The following BICDL1 variants were observed in gnomAD, a reference collection of about 807,000 sequenced individuals.
The protein encoded by BICDL1 is BICD family like cargo adaptor 1, also known as BICD family-like cargo adapter 1.
A neutral mutation model predicts 76.8 loss-of-function variants in BICDL1; 20 were observed. The observed-to-expected ratio is 0.26, with a 90% CI of 0.18 to 0.38. BICDL1 has a LOEUF of 0.38. Among genes scored for constraint, BICDL1 ranks in the 10% least tolerant of loss-of-function variants. The pLI is 1.00. For synonymous variants in BICDL1, 383 were observed against 337.1 expected, an observed-to-expected ratio of 1.14 and a Z score of -1.49; for missense variants, 700 against 798.6, an observed-to-expected ratio of 0.88 and a Z score of 1.49.
At chr12:120,027,243 G>C (rs1952325942) in intron 2 of BICDL1, among the ~76,000 whole-genome samples, 1 of 151,764 alleles carries the variant, frequency 6.6e-6, no homozygotes, top group Non-Finnish European at 1.5e-5. Context: ...TGTTGGCAAG[G>C]CTGGTCTCGA....
At chr12:119,997,232 C>T (rs1443104216) in intron 1 of BICDL1, among the ~76,000 whole-genome samples, 2 of 152,180 alleles carry the variant, frequency 1.3e-5, no homozygotes, top group African/African-American at 2.4e-5. Flanking sequence ...AGGCGTGTGC[C>T]ACCGCGCCTG....
At chr12:120,075,995 C>T (rs1022517270) in intron 7 of BICDL1, among the ~76,000 whole-genome samples, 4 of 152,198 alleles carry the variant, frequency 2.6e-5, no homozygotes, top group African/African-American at 7.2e-5. Flanking sequence ...CCCATCTCTA[C>T]TAAAAATAGA....
chr12:120,084,368 G>A (rs917962585), intron 8 of BICDL1, among the ~76,000 whole-genome samples: 2 of 152,140 alleles, frequency 1.3e-5, no homozygotes, highest in African/African-American at 4.8e-5. Context: ...CAATTTTACA[G>A]ATGAGGAAAC....
intron 2 of BICDL1, among the ~76,000 whole-genome samples, chr12:120,036,580 A>C (rs1015402233): frequency 6.6e-6 from 1 of 152,156 alleles, no homozygotes. Flanking sequence ...GCTTAGAACT[A>C]TTGGTGAATC....
intron 2 of BICDL1, chr12:120,000,323 G>A (rs1594096233): frequency 6.6e-6 from 1 of 152,504 alleles, no homozygotes; most frequent in Non-Finnish European, 1.5e-5. Context: ...AGTAGGAATT[G>A]GACAGTTCAG....
At chr12:120,025,893 A>G (rs895510681) in intron 2 of BICDL1, among the ~76,000 whole-genome samples, 2 of 151,780 alleles carry the variant, frequency 1.3e-5, no homozygotes, top group Non-Finnish European at 2.9e-5. Context: ...GCTGGAGTGC[A>G]GTGGCTCAGC....
intron 2 of BICDL1, among the ~76,000 whole-genome samples, chr12:120,003,419 C>A (rs540027768): frequency 3.1e-4 from 47 of 152,114 alleles, no homozygotes; most frequent in Non-Finnish European, 2.1e-4. Flanking sequence ...ATCTAAAATA[C>A]CCAATAAGGA....
intron 2 of BICDL1, among the ~76,000 whole-genome samples, chr12:120,017,186 G>A (rs535813071): frequency 1.3e-5 from 2 of 152,218 alleles, no homozygotes; most frequent in African/African-American, 2.4e-5. Flanking sequence ...GTGAGCCATC[G>A]TGCCCAGCCT....
At chr12:120,082,388 G>A (rs922984499) in intron 8 of BICDL1, among the ~76,000 whole-genome samples, 20 of 151,836 alleles carry the variant, frequency 1.3e-4, no homozygotes, top group African/African-American at 4.6e-4. Context: ...GAGTAGCTGG[G>A]ACCTCAGGTA....
intron 2 of BICDL1, among the ~76,000 whole-genome samples, chr12:120,025,027 T>A (rs1316413480): frequency 6.6e-6 from 1 of 150,740 alleles, no homozygotes; most frequent in Non-Finnish European, 1.5e-5. Context: ...CTTTAAAGTG[T>A]GTGTGATATT....
At chr12:120,072,902 G>C (rs750970234) in intron 6 of BICDL1, among the ~76,000 whole-genome samples, 173 bp downstream of exon 6, 4 of 152,122 alleles carry the variant, frequency 2.6e-5, no homozygotes. Flanking sequence ...ACAGAGTCTC[G>C]CTCTGTTACC....
At position 119,998,532 on chromosome 12, in the gene BICDL1, A is replaced by G. The variant is rs1951697418; in HGVS notation, c.441A>G (p.Gln147=). Residue 147 remains glutamine (Q), a synonymous_variant, in exon 2 of 10, where the codon CAA becomes CAG. Transcript: ENST00000548673. ...ELTDKLEHLE[Q]EKHELRRRFE... ...CACTTTTCACCCAGCACTTAGAGCA[A>G]GAGAAACATGAATTGAGAAGACGAT... The G allele has an allele frequency of 6.2e-7, 1 of 1,607,222 alleles. No individual in the cohort carries two copies. The highest frequency in any genetic ancestry group is 8.5e-7 in the Non-Finnish European group (1 of 1,176,878).
chr12:120,094,225 GC>G lies in BICDL1; in HGVS notation c.*1067del, dbSNP rs1480733569. 3 of 456,430 alleles carry G rather than the reference GC, an allele frequency of 6.6e-6. No individual in the cohort carries two copies. Among genetic ancestry groups the G allele is most frequent in the Admixed American group, 2.4e-5 (1 of 42,536 alleles). 28.3% of individuals were successfully genotyped at this position (456,430 alleles called of 1,614,324 possible). A position where few individuals can be genotyped will look rare whatever the true frequency, so the allele number is the denominator to read the frequency against. On this transcript the variant is annotated 3_prime_UTR_variant, in exon 10 of 10. Transcript: ENST00000548673. Reference sequence around the variant, plus strand: ...CAGGCCCCAACTCAGAGGCTCCGCGGCCCGGCCAGCCCTCAGCTGCTCACAA... The same window carrying G: ...CAGGCCCCAACTCAGAGGCTCCGCGGCCGGCCAGCCCTCAGCTGCTCACAA...
intron 2 of BICDL1, among the ~76,000 whole-genome samples, chr12:120,017,215 G>A (rs1225560658): frequency 6.6e-6 from 1 of 152,128 alleles, no homozygotes; most frequent in Non-Finnish European, 1.5e-5. Flanking sequence ...TTTTATATCA[G>A]CAGATTGATA....
intron 9 of BICDL1, chr12:120,091,172 C>G: frequency 1.7e-6 from 2 of 1,204,110 alleles, no homozygotes; most frequent in Non-Finnish European, 2.1e-6. Context: ...GCTCCCTCCT[C>G]CATCACAGTC....
rs1250209333 is a variant in BICDL1 at position 119,998,651 on chromosome 12, A to G, written c.560A>G (p.His187Arg). The G allele has an allele frequency of 3.7e-6, 6 of 1,614,082 alleles. No individual in the cohort carries two copies. Among genetic ancestry groups the G allele is most frequent in the African/African-American group, 1.3e-5 (1 of 74,936 alleles). Residue 187 changes from histidine (H) to arginine (R), a missense_variant, in exon 2 of 10, where the codon CAT becomes CGT. By Grantham distance (29) the His-to-Arg change is conservative. Coordinates refer to ENST00000548673, the MANE Select transcript of BICDL1 (RefSeq NM_001367886.1). ...LQDELERQQI[H>R]LREADREKSR... Reference sequence around the variant, plus strand: ...GATGAGTTGGAGAGGCAGCAGATTCATCTGCGGGAAGCAGATCGAGAAAAA... The same window carrying G: ...GATGAGTTGGAGAGGCAGCAGATTCGTCTGCGGGAAGCAGATCGAGAAAAA...
At chr12:120,006,467 A>G (rs949829777) in intron 2 of BICDL1, among the ~76,000 whole-genome samples, 1 of 152,208 alleles carries the variant, frequency 6.6e-6, no homozygotes, top group Non-Finnish European at 1.5e-5. Flanking sequence ...TAATGCAGGA[A>G]GTTGACAGTA....
At chr12:120,027,528 A>T (rs919665018) in intron 2 of BICDL1, among the ~76,000 whole-genome samples, 2 of 152,150 alleles carry the variant, frequency 1.3e-5, no homozygotes, top group African/African-American at 4.8e-5. Flanking sequence ...TCCCGGTTTT[A>T]CAGGTTAGGA....
chr12:119,992,850 A>G (rs1361082724), intron 1 of BICDL1: 1 of 152,138 alleles, frequency 6.6e-6, no homozygotes, highest in African/African-American at 2.4e-5. Context: ...AAAGAGAAAC[A>G]TGTGAGTGGA....
Sources: allele counts gnomAD v4.1 joint callset (sites outside exome capture counted in the v4.1 genomes callset), GRCh38; gene constraint gnomAD v4.1.1; transcripts MANE v1.5; gene names NCBI Gene and HGNC (gene_info 2026-07-23, HGNC 2026-07-21).